PYROXD2: variants seen among roughly 807,000 people sequenced by gnomAD.
PYROXD2 encodes the protein pyridine nucleotide-disulphide oxidoreductase domain 2, also known as pyridine nucleotide-disulfide oxidoreductase domain-containing protein 2.
Under a neutral mutation model 71.1 loss-of-function variants are expected in PYROXD2, and 69 were observed. That is an observed-to-expected ratio of 0.97 (90% CI 0.80 to 1.19). The LOEUF (loss-of-function observed/expected upper bound fraction) is 1.19. Ranked by LOEUF, PYROXD2 falls within the 50% of genes most tolerant of loss-of-function variation. PYROXD2 has a pLI of 0.00. For synonymous variants in PYROXD2, 287 were observed against 302.7 expected (o/e 0.95, Z 0.54); for missense variants, 745 against 748.9 (o/e 0.99, Z 0.06).
intron 10 of PYROXD2, among the ~76,000 whole-genome samples, chr10:98,391,952 A>G (rs1471240993): frequency 6.6e-6 from 1 of 152,238 alleles, no homozygotes; most frequent in Non-Finnish European, 1.5e-5. Context: ...CTGCAGACGC[A>G]TGAGCAAGCC....
intron 8 of PYROXD2, among the ~76,000 whole-genome samples, chr10:98,393,319 C>T (rs1049972562): frequency 6.6e-6 from 1 of 152,188 alleles, no homozygotes; most frequent in South Asian, 2.1e-4. Flanking sequence ...GGCAACGATG[C>T]CCAAACCTGC....
In PYROXD2 at chr10:98,397,475, G is replaced by T; in HGVS notation, c.495C>A (p.Phe165Leu). The change falls in exon 6 of 16, where the codon TTC becomes TTA. Residue 165 changes from phenylalanine (F) to leucine (L), a missense_variant. Coordinates refer to ENST00000370575, the MANE Select transcript of PYROXD2 (RefSeq NM_032709.3). ...CAATGGCTAATGCCAAGCGATGCAT[G>T]AACTCCTCATATTTGGGAAAGACCT... The part of the protein sequence containing the change: ...DAQVFPKYEE[F>L]MHRLALAIDP... 6.2e-7 allele frequency: 1 copy of T among 1,608,568 alleles called. No individual in the cohort carries two copies. Among genetic ancestry groups the T allele is most frequent in the South Asian group, 1.1e-5 (1 of 90,424 alleles).
At chr10:98,393,742 C>T (rs1436852724) in intron 8 of PYROXD2, among the ~76,000 whole-genome samples, 1 of 152,166 alleles carries the variant, frequency 6.6e-6, no homozygotes, top group Non-Finnish European at 1.5e-5. Context: ...AGCTCTGCTC[C>T]TGCCACTCAC....
At position 98,390,995 on chromosome 10, in the gene PYROXD2, TG is replaced by T; in HGVS notation, c.1135+14del. The T allele has an allele frequency of 6.3e-7, 1 of 1,597,276 alleles. No individual in the cohort carries two copies. The highest frequency in any genetic ancestry group is 8.6e-7 in the Non-Finnish European group (1 of 1,164,814). On this transcript the variant is annotated intron_variant, in intron 11 of 15. Coordinates refer to ENST00000370575, the MANE Select transcript of PYROXD2 (RefSeq NM_032709.3). Reference sequence around the variant, plus strand: ...GGTCAAAGGAGACAGTGCTGCAATGTGGTGTGCCTCTTACCATTGATCTTGG... The same window carrying T: ...GGTCAAAGGAGACAGTGCTGCAATGTGTGTGCCTCTTACCATTGATCTTGG...
At chr10:98,384,829 T>C (rs1268774889) in intron 15 of PYROXD2, 118 bp downstream of exon 15, 3 of 1,373,976 alleles carry the variant, frequency 2.2e-6, no homozygotes, top group Admixed American at 3.0e-5. Context: ...ATGTTGGGAG[T>C]TCCCTGCTCC....
intron 10 of PYROXD2, 89 bp from the exon 11 acceptor site, chr10:98,391,171 C>A (rs113830800): frequency 3.5e-6 from 3 of 867,814 alleles, no homozygotes; most frequent in South Asian, 1.3e-5. Flanking sequence ...ATCCCTCAGT[C>A]GCTCCCTCCG....
chr10:98,410,973 G>T lies in PYROXD2; in HGVS notation c.128-15C>A. 2 of 1,560,724 alleles carry T rather than the reference G, an allele frequency of 1.3e-6. No homozygotes were observed. Among genetic ancestry groups the T allele is most frequent in the Middle Eastern group, 1.7e-4 (1 of 6,008 alleles). On this transcript the variant is annotated splice_polypyrimidine_tract_variant and intron_variant, in intron 1 of 15. Coordinates refer to ENST00000370575, the MANE Select transcript of PYROXD2 (RefSeq NM_032709.3). The stretch of plus-strand genomic sequence containing the variant: ...TCCGTTGTGTCCTGCAACAAAACGG[G>T]ACAGGGAAGGAAAACATCACTGGTC...
intron 5 of PYROXD2, among the ~76,000 whole-genome samples, chr10:98,398,973 C>T (rs1843294370): frequency 6.6e-6 from 1 of 151,768 alleles, no homozygotes; most frequent in African/African-American, 2.4e-5. Context: ...TTTGTCTCTA[C>T]AAAAAAATTA....
intron 5 of PYROXD2, 103 bp from the exon 6 acceptor site, chr10:98,397,601 C>T: frequency 2.2e-6 from 3 of 1,389,316 alleles, no homozygotes; most frequent in Middle Eastern, 3.9e-4. Context: ...GTTCCTCAGG[C>T]CTCATTCCCC....
intron 13 of PYROXD2, chr10:98,387,992 T>A (rs762040327): frequency 1.1e-5 from 3 of 265,554 alleles, no homozygotes; most frequent in Non-Finnish European, 2.2e-5. Flanking sequence ...CTCCTAGTCA[T>A]CCTTGGAAAC....
intron 1 of PYROXD2, 121 bp from the exon 2 acceptor site, chr10:98,411,079 T>G (rs1843771754): frequency 7.2e-7 from 1 of 1,382,454 alleles, no homozygotes; most frequent in South Asian, 1.3e-5. Flanking sequence ...TTGGTGACCC[T>G]CCCCTCCCCT....
intron 4 of PYROXD2, among the ~76,000 whole-genome samples, chr10:98,404,194 G>T (rs988313103): frequency 6.6e-6 from 1 of 152,194 alleles, no homozygotes; most frequent in Non-Finnish European, 1.5e-5. Flanking sequence ...CCGAGTTTTG[G>T]CCAATCAAAG....
intron 4 of PYROXD2, among the ~76,000 whole-genome samples, chr10:98,402,681 C>T (rs371748323): frequency 1.3e-5 from 2 of 152,226 alleles, no homozygotes. Context: ...CCTCACGACT[C>T]GAGGTCTTGG....
In PYROXD2 at chr10:98,415,062, G is replaced by A. The variant is rs61738534; in HGVS notation, c.74C>T (p.Thr25Met). 9.9e-4 allele frequency: 1,605 copies of A among 1,613,982 alleles called. 13 individuals carry two copies. The African/African-American group carries it at 0.019, about 19-fold the overall frequency. The change falls in exon 1 of 16, where the codon ACG becomes ATG. Residue 25 changes from threonine to methionine, a missense_variant. Transcript: ENST00000370575. ...AGGCTTCAGACCTCCCCTGGCTTCC[G>A]TGTTATCTCGTCTCCACGCCGGGAA... Reference protein sequence around the residue: ...SPFPAWRRDNTEARGGLKPEY... With the variant: ...SPFPAWRRDNMEARGGLKPEY...
At chr10:98,399,924 C>T (rs577879300) in intron 5 of PYROXD2, among the ~76,000 whole-genome samples, 178 bp downstream of exon 5, 3 of 152,366 alleles carry the variant, frequency 2.0e-5, no homozygotes, top group East Asian at 1.9e-4. Flanking sequence ...ATCCTCCACC[C>T]GCTTCTCTTC....
chr10:98,394,512 C>T (rs1419434510), intron 8 of PYROXD2, among the ~76,000 whole-genome samples: 1 of 151,360 alleles, frequency 6.6e-6, no homozygotes, highest in Admixed American at 6.6e-5. Flanking sequence ...GCACTGGAAA[C>T]GGCCCAACCC....
At chr10:98,411,115 A>AT (rs1474133417) in intron 1 of PYROXD2, 157 bp from the exon 2 acceptor site, 8 of 1,013,000 alleles carry the variant, frequency 7.9e-6, no homozygotes, top group African/African-American at 1.6e-5. Context: ...TTGGAACAGC[A>AT]TCTAGTTCAA....
rs1433267104 is a variant in PYROXD2 at position 98,393,221 on chromosome 10, A to G, written c.786-138T>C. 2.2e-5 allele frequency: 15 copies of G among 670,832 alleles called. No homozygotes were observed. The East Asian group carries it at 4.3e-4, about 19-fold the overall frequency. The allele number at this position is 670,832 out of a possible 1,614,324, so 41.6% of individuals were successfully genotyped here. On this transcript the variant is annotated intron_variant, in intron 8 of 15. Coordinates refer to ENST00000370575, the MANE Select transcript of PYROXD2 (RefSeq NM_032709.3). ...AGCCCTCTCCCAGCAGCCTTCAATG[A>G]GCTCAAGTTCTTGTAAGAGCCCTTT...
chr10:98,390,723 C>A lies in PYROXD2; in HGVS notation c.1167G>T (p.Ala389=). ...VAVDRLPSFL[A]APNAPRGQPL... The stretch of plus-strand genomic sequence containing the variant: ...GCTGGCCCCTGGGAGCATTGGGGGC[C>A]GCCAGGAAGCTGGGCAGCCTGTCTA... The change falls in exon 12 of 16, where the codon GCG becomes GCT. Residue 389 remains alanine (A), a synonymous_variant. Coordinates refer to ENST00000370575, the MANE Select transcript of PYROXD2 (RefSeq NM_032709.3). The A allele has an allele frequency of 1.2e-6, 2 of 1,606,726 alleles. No individual in the cohort carries two copies. The highest frequency in any genetic ancestry group is 1.7e-6 in the Non-Finnish European group (2 of 1,176,396).
Sources: allele counts gnomAD v4.1 joint callset (sites outside exome capture counted in the v4.1 genomes callset), GRCh38; gene constraint gnomAD v4.1.1; transcripts MANE v1.5; gene names NCBI Gene and HGNC (gene_info 2026-07-23, HGNC 2026-07-21).